GPR149: variants seen among roughly 807,000 people sequenced by gnomAD.
GPR149 encodes probable G protein-coupled receptor 149.
GPR149 carries 50 observed loss-of-function variants against 50.2 expected under a neutral mutation model. The observed-to-expected ratio is 1.00, with a 90% confidence interval of 0.79 to 1.26. The LOEUF (loss-of-function observed/expected upper bound fraction) is 1.26, where lower values mean the gene tolerates loss of function less well. Ranked by LOEUF, GPR149 falls within the 50% of genes most tolerant of loss-of-function variation. The pLI is 0.00. For missense variants in GPR149, 983 were observed against 895.4 expected, an observed-to-expected ratio of 1.10 and a Z score of -1.25; for synonymous variants, 405 against 358.2, an observed-to-expected ratio of 1.13 and a Z score of -1.48.
Position 154,409,993 on chromosome 3 carries a change from A to T in GPR149, c.1623+11046T>A, listed in dbSNP as rs370347904. On this transcript the variant is annotated intron_variant, in intron 3 of 3. Coordinates refer to ENST00000389740, the MANE Select transcript of GPR149 (RefSeq NM_001038705.3). ...GAGATGTGAGGCAAAAGCATCAGGT[A>T]ACATATAAAGGAAAACCTATAAGAT... is the stretch of plus-strand genomic sequence containing the variant. Among the ~76,000 whole-genome samples the T allele has an allele frequency of 3.3e-5, 5 of 152,306 alleles. No homozygotes were observed. In the South Asian group the frequency reaches 6.2e-4, roughly 19 times the overall value.
intron 2 of GPR149, among the ~76,000 whole-genome samples, chr3:154,424,775 T>C (rs1712247477): frequency 6.6e-6 from 1 of 151,868 alleles, no homozygotes; most frequent in African/African-American, 2.4e-5. Context: ...CTTCTGCTTT[T>C]AGTCACATCT....
intron 3 of GPR149, among the ~76,000 whole-genome samples, chr3:154,395,427 T>C (rs1026622766): frequency 5.9e-5 from 8 of 135,344 alleles, no homozygotes; most frequent in African/African-American, 1.9e-4. Context: ...AAACACAATA[T>C]ATGTAAAATT....
At chr3:154,400,254 G>A (rs1016900457) in intron 3 of GPR149, among the ~76,000 whole-genome samples, 2 of 152,102 alleles carry the variant, frequency 1.3e-5, no homozygotes, top group Non-Finnish European at 2.9e-5. Context: ...CCAAAGTGCT[G>A]GGATTACAGG....
chr3:154,369,771 G>A (rs1714619575), intron 3 of GPR149, among the ~76,000 whole-genome samples: 1 of 152,256 alleles, frequency 6.6e-6, no homozygotes. Context: ...GATTGGGGCA[G>A]TCCTTTGATC....
At chr3:154,361,178 A>G (rs1403346500) in intron 3 of GPR149, among the ~76,000 whole-genome samples, 2 of 152,210 alleles carry the variant, frequency 1.3e-5, no homozygotes, top group Non-Finnish European at 2.9e-5. Context: ...ATTAACTGAA[A>G]ATTCTAGTGG....
intron 3 of GPR149, among the ~76,000 whole-genome samples, chr3:154,397,886 A>G (rs966183969): frequency 6.6e-6 from 1 of 152,170 alleles, no homozygotes; most frequent in African/African-American, 2.4e-5. Context: ...GTTAACCAAC[A>G]TTTATATTGT....
Position 154,336,915 on chromosome 3 carries a change from AC to A in GPR149, c.*783del, listed in dbSNP as rs1297362029. On this transcript the variant is annotated 3_prime_UTR_variant, in exon 4 of 4. Transcript: ENST00000389740. ...ATTTCCACTCAAGTTAAAAAAAAAA[AC>A]AATTTTAGGATAAAGTATACAATTA... The A allele has an allele frequency of 1.3e-5, 2 of 152,070 alleles. No homozygotes were observed. Among genetic ancestry groups the A allele is most frequent in the East Asian group, 1.9e-4 (1 of 5,192 alleles). 9.4% of individuals were successfully genotyped at this position (152,070 alleles called of 1,614,324 possible). A position where few individuals can be genotyped will look rare whatever the true frequency, so the allele number is the denominator to read the frequency against.
At chr3:154,376,546 A>G (rs1321503180) in intron 3 of GPR149, among the ~76,000 whole-genome samples, 1 of 152,250 alleles carries the variant, frequency 6.6e-6, no homozygotes, top group African/African-American at 2.4e-5. Flanking sequence ...TAGTATGTGA[A>G]TTTATAATTT....
intron 3 of GPR149, among the ~76,000 whole-genome samples, chr3:154,347,871 CA>C (rs1393920932): frequency 6.6e-6 from 1 of 152,040 alleles, no homozygotes; most frequent in African/African-American, 2.4e-5. Context: ...CAGTAGGTAG[CA>C]AAAATGGCAA....
chr3:154,341,334 T>TATATATATATATAA (rs1713795649), intron 3 of GPR149, among the ~76,000 whole-genome samples: 1 of 101,444 alleles, frequency 9.9e-6, no homozygotes, highest in African/African-American at 3.5e-5. Context: ...TATATATATA[T>TATATATATATATAA]ATATATAAAA....
intron 3 of GPR149, among the ~76,000 whole-genome samples, chr3:154,412,561 T>G (rs2108424573): frequency 6.6e-6 from 1 of 152,068 alleles, no homozygotes; most frequent in Non-Finnish European, 1.5e-5. Flanking sequence ...AACCTAGAAC[T>G]CAACCCCTTT....
Position 154,421,132 on chromosome 3 carries a change from C to T in GPR149, c.1530G>A (p.Gly510=), listed in dbSNP as rs527474663. The part of the protein sequence containing the change: ...INYEETTFSE[G]PERRLSHEES... Reference sequence around the variant, plus strand: ...CTTCATGAGACAGTCTTCTTTCTGGCCCTTCAGAAAAGGTAGTTTCTTCAT... The same window carrying T: ...CTTCATGAGACAGTCTTCTTTCTGGTCCTTCAGAAAAGGTAGTTTCTTCAT... Residue 510 remains glycine, a synonymous_variant, in exon 3 of 4, where the codon GGG becomes GGA. Coordinates refer to ENST00000389740, the MANE Select transcript of GPR149 (RefSeq NM_001038705.3). The T allele has an allele frequency of 4.2e-5, 68 of 1,613,306 alleles. No individual in the cohort carries two copies. In the Admixed American group the frequency reaches 5.5e-4, roughly 13 times the overall value.
At chr3:154,359,598 C>G (rs943889759) in intron 3 of GPR149, among the ~76,000 whole-genome samples, 6 of 152,192 alleles carry the variant, frequency 3.9e-5, no homozygotes, top group Admixed American at 3.9e-4. Flanking sequence ...TCATAGACCT[C>G]TCCACAAATT....
chr3:154,364,315 C>A (rs1714481456), intron 3 of GPR149, among the ~76,000 whole-genome samples: 1 of 152,218 alleles, frequency 6.6e-6, no homozygotes, highest in African/African-American at 2.4e-5. Flanking sequence ...TAAACCATAG[C>A]ATTCCACTCT....
chr3:154,341,342 A>AT (rs1713796853), intron 3 of GPR149, among the ~76,000 whole-genome samples: 10 of 87,480 alleles, frequency 1.1e-4, no homozygotes, highest in African/African-American at 4.3e-4. Flanking sequence ...TATATATATA[A>AT]AATGAGTAGG....
chr3:154,418,869 C>A (rs569005338), intron 3 of GPR149, among the ~76,000 whole-genome samples: 1 of 151,760 alleles, frequency 6.6e-6, no homozygotes, highest in African/African-American at 2.4e-5. Flanking sequence ...AAAAAAAGAA[C>A]CTTTTTAATT....
rs772140218 is a variant in GPR149, at chr3:154,337,548, A to C, written c.*151T>G. On this transcript the variant is annotated 3_prime_UTR_variant, in exon 4 of 4. Coordinates refer to ENST00000389740, the MANE Select transcript of GPR149 (RefSeq NM_001038705.3). ...TCAAATGCACTTAAGTGTTTACACT[A>C]GTTCCAGTTGTTCCCACAAAAAAAT... The C allele has an allele frequency of 3.8e-5, 22 of 575,860 alleles. No homozygotes were observed. Among genetic ancestry groups the C allele is most frequent in the Non-Finnish European group, 6.0e-5 (20 of 335,790 alleles). The allele number at this position is 575,860 out of a possible 1,614,324, so 35.7% of individuals were successfully genotyped here. A position where few individuals can be genotyped will look rare whatever the true frequency, so the allele number is the denominator to read the frequency against.
intron 3 of GPR149, among the ~76,000 whole-genome samples, chr3:154,368,327 G>A (rs1359828361): frequency 6.6e-6 from 1 of 152,186 alleles, no homozygotes; most frequent in Non-Finnish European, 1.5e-5. Flanking sequence ...TAAATTTTTG[G>A]GGTAGTGCCC....
intron 3 of GPR149, among the ~76,000 whole-genome samples, chr3:154,349,143 A>G (rs1189487054): frequency 6.6e-6 from 1 of 152,176 alleles, no homozygotes; most frequent in East Asian, 1.9e-4. Context: ...CACTAAATGC[A>G]TACATTAGAA....
Sources: gnomAD v4.1 joint callset for allele counts (sites outside exome capture counted in the v4.1 genomes callset) on GRCh38, gnomAD v4.1.1 for gene constraint, MANE v1.5 for transcripts, NCBI Gene and HGNC (gene_info 2026-07-23, HGNC 2026-07-21) for gene names.